PDZRN4: variants seen among roughly 807,000 people sequenced by gnomAD.
PDZRN4 encodes PDZ domain containing ring finger 4.
In PDZRN4, 70 loss-of-function variants were observed where a neutral mutation model predicts 99.0. The observed-to-expected ratio is 0.71, with a 90% CI of 0.58 to 0.86. PDZRN4 has a LOEUF of 0.86. Among genes scored for constraint, PDZRN4 ranks in the 40% least tolerant of loss-of-function variants. The probability of loss-of-function intolerance (pLI) is 0.00; values close to 1 mark genes in which losing one functional copy is unlikely to be tolerated. For synonymous variants in PDZRN4, 551 were observed against 501.6 expected (o/e 1.10, Z -1.32); for missense variants, 1,474 against 1,331.2 (o/e 1.11, Z -1.67).
rs1206070930 is a variant in PDZRN4, at chr12:41,573,212, A to G, written c.2433A>G (p.Leu811=). The G allele has an allele frequency of 1.9e-6, 3 of 1,614,212 alleles. No individual in the cohort carries two copies. The highest frequency in any genetic ancestry group is 1.6e-4 in the Middle Eastern group (1 of 6,062). Residue 811 remains leucine (L), a synonymous_variant, in exon 10 of 10, where the codon TTA becomes TTG. Transcript: ENST00000402685. The part of the protein sequence containing the change: ...GCSAESKEKV[L]EGSKLPDQEK... The stretch of plus-strand genomic sequence containing the variant: ...GCGCTGAAAGCAAGGAGAAGGTTTT[A>G]GAAGGCAGCAAGCTTCCTGATCAAG...
intron 5 of PDZRN4, among the ~76,000 whole-genome samples, chr12:41,529,458 C>A (rs544183077): frequency 6.6e-6 from 1 of 152,248 alleles, no homozygotes; most frequent in African/African-American, 2.4e-5. Flanking sequence ...ATGCAACTTC[C>A]TTTTTTTAAA....
At chr12:41,416,972 T>C (rs1024693903) in intron 3 of PDZRN4, among the ~76,000 whole-genome samples, 1 of 152,208 alleles carries the variant, frequency 6.6e-6, no homozygotes, top group Admixed American at 6.6e-5. Context: ...ATCTAAAGAA[T>C]AGGTTCTTAA....
chr12:41,356,601 T>C (rs1951929219), intron 3 of PDZRN4, among the ~76,000 whole-genome samples: 1 of 151,986 alleles, frequency 6.6e-6, no homozygotes, highest in African/African-American at 2.4e-5. Context: ...CTCCTGGAAT[T>C]AAAGAAGCAC....
At chr12:41,289,097 C>T (rs1355736081) in intron 3 of PDZRN4, among the ~76,000 whole-genome samples, 1 of 152,008 alleles carries the variant, frequency 6.6e-6, no homozygotes, top group African/African-American at 2.4e-5. Context: ...TATTATGTTA[C>T]AACTGTGTAA....
At position 41,196,729 on chromosome 12, in the gene PDZRN4, A is replaced by C. The variant is rs143991327; in HGVS notation, c.843+2541A>C. Among the ~76,000 whole-genome samples, 1,041 of 152,220 alleles carry C rather than the reference A, an allele frequency of 6.8e-3. 7 individuals are homozygous for C. Among genetic ancestry groups the C allele is most frequent in the African/African-American group, 0.024 (1,005 of 41,568 alleles). On this transcript the variant is annotated intron_variant, in intron 3 of 9. Transcript: ENST00000402685. ...TTTCTCTGTCATTATGATATCAATC[A>C]ACTTTAAGCAGTTTTTAGCTAATTG...
chr12:41,294,089 AGTTT>A (rs945200013), intron 3 of PDZRN4, among the ~76,000 whole-genome samples: 23 of 151,916 alleles, frequency 1.5e-4, no homozygotes, highest in African/African-American at 5.1e-4. Context: ...TTTCCTCTAT[AGTTT>A]GTTTGTTTGT....
chr12:41,459,921 C>G, intron 3 of PDZRN4: 6 of 1,257,374 alleles, frequency 4.8e-6, no homozygotes, highest in Non-Finnish European at 6.1e-6. Context: ...ACTGTTTTGA[C>G]TGAAGGAGAA....
intron 3 of PDZRN4, among the ~76,000 whole-genome samples, chr12:41,217,962 C>T (rs746641946): frequency 7.9e-5 from 12 of 152,034 alleles, no homozygotes; most frequent in Non-Finnish European, 1.8e-4. Context: ...TGGAAAAGGA[C>T]TTGGAATGTA....
At chr12:41,569,848 G>A (rs536808916) in intron 9 of PDZRN4, among the ~76,000 whole-genome samples, 61 of 152,208 alleles carry the variant, frequency 4.0e-4, no homozygotes, top group African/African-American at 1.3e-3. Flanking sequence ...AAGTAATATC[G>A]CTACTGTGGT....
At chr12:41,189,577 A>T (rs370848872) in intron 1 of PDZRN4, among the ~76,000 whole-genome samples, 15 of 152,204 alleles carry the variant, frequency 9.9e-5, no homozygotes, top group African/African-American at 3.6e-4. Context: ...CACACCTGGG[A>T]CTGGTGTCAG....
At chr12:41,343,740 G>C (rs1217942220) in intron 3 of PDZRN4, among the ~76,000 whole-genome samples, 1 of 151,736 alleles carries the variant, frequency 6.6e-6, no homozygotes, top group East Asian at 1.9e-4. Flanking sequence ...GCTTTTGAAT[G>C]GTCTCACTAC....
At chr12:41,430,205 C>T (rs1053811437) in intron 3 of PDZRN4, among the ~76,000 whole-genome samples, 21 of 152,324 alleles carry the variant, frequency 1.4e-4, no homozygotes, top group African/African-American at 4.6e-4. Flanking sequence ...CACGGTGGCT[C>T]ACGCCTGTAA....
At chr12:41,551,296 A>T (rs545115415) in intron 5 of PDZRN4, among the ~76,000 whole-genome samples, 17 of 152,078 alleles carry the variant, frequency 1.1e-4, no homozygotes, top group African/African-American at 4.1e-4. Context: ...AGTTCTTACG[A>T]CCTACCAAAG....
In PDZRN4 at chr12:41,242,300, A is replaced by C. The variant is rs145341296; in HGVS notation, c.843+48112A>C. Among the ~76,000 whole-genome samples the C allele has an allele frequency of 5.3e-3, 806 of 152,338 alleles. 7 individuals are homozygous for C. The highest frequency in any genetic ancestry group is 8.7e-3 in the Non-Finnish European group (592 of 68,038). On this transcript the variant is annotated intron_variant, in intron 3 of 9. Coordinates refer to ENST00000402685, the MANE Select transcript of PDZRN4 (RefSeq NM_001164595.2). ...CAAAACAGTTGATTGATATGCTAAAAATAAATTTCTCAAGGAGGGAAAGAG... is the reference window on the plus strand; with the variant it reads ...CAAAACAGTTGATTGATATGCTAAACATAAATTTCTCAAGGAGGGAAAGAG...
chr12:41,501,060 C>T (rs1280814329), intron 3 of PDZRN4, among the ~76,000 whole-genome samples: 1 of 152,120 alleles, frequency 6.6e-6, no homozygotes, highest in East Asian at 1.9e-4. Context: ...AATTATAATA[C>T]ACAAGTATTT....
chr12:41,275,830 A>ATT (rs1403960016), intron 3 of PDZRN4, among the ~76,000 whole-genome samples: 22 of 152,282 alleles, frequency 1.4e-4, no homozygotes, highest in African/African-American at 5.3e-4. Flanking sequence ...ACTTTTTAAA[A>ATT]TAAAAATGGA....
At chr12:41,293,138 A>T (rs1592000406) in intron 3 of PDZRN4, among the ~76,000 whole-genome samples, 1 of 146,180 alleles carries the variant, frequency 6.8e-6, no homozygotes, top group East Asian at 2.1e-4. Flanking sequence ...TTCTAAAAAA[A>T]GTATTTGTGT....
intron 3 of PDZRN4, among the ~76,000 whole-genome samples, chr12:41,223,858 T>C (rs1053837876): frequency 9.2e-5 from 14 of 152,332 alleles, no homozygotes; most frequent in African/African-American, 3.1e-4. Context: ...TGCAGCCCCT[T>C]TATGACCCTG....
intron 7 of PDZRN4, among the ~76,000 whole-genome samples, chr12:41,561,069 T>C (rs1939261456): frequency 6.6e-6 from 1 of 152,112 alleles, no homozygotes; most frequent in African/African-American, 2.4e-5. Flanking sequence ...CCAGAGACCA[T>C]AGCTCTGGTC....
Sources: allele counts gnomAD v4.1 joint callset (sites outside exome capture counted in the v4.1 genomes callset), GRCh38; gene constraint gnomAD v4.1.1; transcripts MANE v1.5; gene names NCBI Gene and HGNC (gene_info 2026-07-23, HGNC 2026-07-21).